Variants in PLXNA1 observed in about 807,000 individuals in gnomAD.
PLXNA1 encodes plexin-A1.
Under a neutral mutation model 191.7 loss-of-function variants are expected in PLXNA1, and 77 were observed. That is an observed-to-expected ratio of 0.40 (90% CI 0.33 to 0.49). The LOEUF (loss-of-function observed/expected upper bound fraction) is 0.49. PLXNA1 is among the 20% of genes least tolerant of loss of function. The pLI, the probability that PLXNA1 is intolerant of heterozygous loss-of-function variation, is 0.63. For missense variants in PLXNA1, 2,110 were observed against 2,660.2 expected (o/e 0.79, Z 4.55); for synonymous variants, 1,137 against 1,156.4 (o/e 0.98, Z 0.34).
In PLXNA1 at chr3:127,011,940, A is replaced by G. The variant is rs746199515; in HGVS notation, c.2113-18A>G. Reference sequence around the variant, plus strand: ...TGGTCTCCGCCCCCGGGCTCAGCCAAACTCTTCTTATCCCCAGGACTGCCC... The same window carrying G: ...TGGTCTCCGCCCCCGGGCTCAGCCAGACTCTTCTTATCCCCAGGACTGCCC... On this transcript the variant is annotated intron_variant, in intron 9 of 31. Coordinates refer to ENST00000393409, the MANE Select transcript of PLXNA1 (RefSeq NM_032242.4). The G allele has an allele frequency of 1.9e-6, 3 of 1,606,666 alleles. No homozygotes were observed. The highest frequency in any genetic ancestry group is 2.6e-6 in the Non-Finnish European group (3 of 1,174,174).
Position 127,022,078 on chromosome 3 carries a change from C to G in PLXNA1, c.4039-7C>G, listed in dbSNP as rs2079154289. The G allele has an allele frequency of 1.2e-6, 2 of 1,609,436 alleles. No individual in the cohort carries two copies. The highest frequency in any genetic ancestry group is 1.7e-6 in the Non-Finnish European group (2 of 1,177,380). Reference sequence around the variant, plus strand: ...CTCTGTGGTCTGAGCTCTGTGTGCTCCCTCAGGTGCAGGCCAATGTGGAGA... The same window carrying G: ...CTCTGTGGTCTGAGCTCTGTGTGCTGCCTCAGGTGCAGGCCAATGTGGAGA... On this transcript the variant is annotated splice_region_variant and splice_polypyrimidine_tract_variant and intron_variant, in intron 21 of 31. Coordinates refer to ENST00000393409, the MANE Select transcript of PLXNA1 (RefSeq NM_032242.4).
chr3:127,017,386 G>A (rs376241173), intron 17 of PLXNA1, 39 bp from the exon 18 acceptor site: 43 of 1,596,794 alleles, frequency 2.7e-5, no homozygotes, highest in African/African-American at 2.1e-4. Flanking sequence ...CGGGCCACTC[G>A]CGGAGGTCCC....
At chr3:127,027,582 G>A (rs368316269) in intron 23 of PLXNA1, 167 of 438,208 alleles carry the variant, frequency 3.8e-4, no homozygotes, top group African/African-American at 3.1e-3. Flanking sequence ...GCTGGAGCTA[G>A]GCGGGGATCC....
rs1324561871 is a variant in PLXNA1, at chr3:127,012,166, G to A, written c.2313+8G>A. ...CAGTGCCAGAATTCCTCGGTGAGGT[G>A]GCCAGGGCAGGGGCTGGGGGCCGTG... On this transcript the variant is annotated splice_region_variant and intron_variant, in intron 10 of 31. Coordinates refer to ENST00000393409, the MANE Select transcript of PLXNA1 (RefSeq NM_032242.4). 6.2e-7 allele frequency: 1 copy of A among 1,609,262 alleles called. No homozygotes were observed. Among genetic ancestry groups the A allele is most frequent in the African/African-American group, 1.3e-5 (1 of 74,956 alleles).
At position 127,019,575 on chromosome 3, in the gene PLXNA1, G is replaced by A. The variant is rs73196563; in HGVS notation, c.3896-627G>A. 7.2e-3 allele frequency among the ~76,000 whole-genome samples: 1,090 copies of A among 152,318 alleles called. 9 individuals are homozygous for A. The highest frequency in any genetic ancestry group is 0.012 in the Non-Finnish European group (798 of 68,020). On this transcript the variant is annotated intron_variant, in intron 20 of 31. Coordinates refer to ENST00000393409, the MANE Select transcript of PLXNA1 (RefSeq NM_032242.4). ...CGCCTGGCAGCGATGCCCAGGAGAC[G>A]AAGACTCCAGCTCTTAATTAAACCT...
Position 127,034,929 on chromosome 3 carries a change from A to C in PLXNA1, c.*912A>C, listed in dbSNP as rs1232099760. 1 of 152,320 alleles carries C rather than the reference A, an allele frequency of 6.6e-6. No homozygotes were observed. The highest frequency in any genetic ancestry group is 1.5e-5 in the Non-Finnish European group (1 of 68,122). The allele number at this position is 152,320 out of a possible 1,614,324, so 9.4% of individuals were successfully genotyped here. A position where few individuals can be genotyped will look rare whatever the true frequency, so the allele number is the denominator to read the frequency against. On this transcript the variant is annotated 3_prime_UTR_variant, in exon 32 of 32. Coordinates refer to ENST00000393409, the MANE Select transcript of PLXNA1 (RefSeq NM_032242.4). ...GAGCCCCTGAGGGCGGCCCCTGAGC[A>C]CTCCTCTCTCTCCACTCTCTCTGTC...
At chr3:127,007,960 A>G (rs9876778) in intron 9 of PLXNA1, 47 bp downstream of exon 9, 97,489 of 1,339,628 alleles carry the variant, frequency 0.073, 4,785 homozygotes, top group South Asian at 0.19. Flanking sequence ...GGTGGAGCAG[A>G]ACTGGGTTGA....
At chr3:127,009,520 C>T (rs1397268747) in intron 9 of PLXNA1, among the ~76,000 whole-genome samples, 3 of 151,910 alleles carry the variant, frequency 2.0e-5, no homozygotes, top group East Asian at 3.9e-4. Flanking sequence ...GTGAGTCCTC[C>T]GGGACTCAGG....
At chr3:127,009,406 G>C (rs570205757) in intron 9 of PLXNA1, among the ~76,000 whole-genome samples, 1 of 152,204 alleles carries the variant, frequency 6.6e-6, no homozygotes, top group South Asian at 2.1e-4. Context: ...GGGCACGTGT[G>C]GGGTCGCAGG....
intron 2 of PLXNA1, 40 bp downstream of exon 2, chr3:126,989,827 C>A: frequency 1.3e-6 from 2 of 1,519,520 alleles, no homozygotes; most frequent in Non-Finnish European, 1.8e-6. Flanking sequence ...GCGGCCCCAT[C>A]CCCTCCAGGG....
chr3:127,005,265 GTGCCCGC>G, intron 7 of PLXNA1, 22 bp downstream of exon 7: 1 of 1,590,500 alleles, frequency 6.3e-7, no homozygotes, highest in Non-Finnish European at 8.6e-7. Flanking sequence ...CAACACAATG[GTGCCCGC>G]TGCCTGGCCA....
chr3:127,013,208 A>G (rs2079103947), intron 10 of PLXNA1, among the ~76,000 whole-genome samples: 1 of 152,174 alleles, frequency 6.6e-6, no homozygotes, highest in Non-Finnish European at 1.5e-5. Context: ...TTTCTGTTCT[A>G]TCACCAACTC....
chr3:127,031,672 C>T (rs987205437), intron 29 of PLXNA1, among the ~76,000 whole-genome samples: 2 of 152,202 alleles, frequency 1.3e-5, no homozygotes, highest in South Asian at 2.1e-4. Flanking sequence ...CCACTGCTCG[C>T]GGAGTCTAGG....
chr3:127,017,018 G>A lies in PLXNA1; in HGVS notation c.3257G>A (p.Gly1086Glu), dbSNP rs1264273412. The A allele has an allele frequency of 6.2e-7, 1 of 1,613,368 alleles. No homozygotes were observed. The highest frequency in any genetic ancestry group is 1.1e-5 in the South Asian group (1 of 91,070). ...GAACCCCGAATCCGGGCCAAGTATG[G>A]AGGCATTGAGAGGGAGAACGTGAGT... ...VREPRIRAKY[G>E]GIERENGCLV... The change falls in exon 17 of 32, where the codon GGA becomes GAA. Residue 1086 changes from glycine to glutamate, a missense_variant. By Grantham distance (98) the Gly-to-Glu change is moderately conservative (BLOSUM62 -2). Coordinates refer to ENST00000393409, the MANE Select transcript of PLXNA1 (RefSeq NM_032242.4).
At chr3:127,011,707 G>A (rs2079096442) in intron 9 of PLXNA1, among the ~76,000 whole-genome samples, 1 of 152,204 alleles carries the variant, frequency 6.6e-6, no homozygotes, top group Non-Finnish European at 1.5e-5. Flanking sequence ...GGGCTCCTTT[G>A]GTCTCTGGAA....
chr3:126,994,535 C>T (rs1228147375), intron 3 of PLXNA1, among the ~76,000 whole-genome samples: 2 of 152,140 alleles, frequency 1.3e-5, no homozygotes, highest in Non-Finnish European at 2.9e-5. Flanking sequence ...TGTTCTGGGG[C>T]CTGGGTTCGA....
chr3:126,993,065 T>G (rs2078999129), intron 3 of PLXNA1, among the ~76,000 whole-genome samples: 1 of 152,306 alleles, frequency 6.6e-6, no homozygotes, highest in African/African-American at 2.4e-5. Flanking sequence ...CTGTTCCTGC[T>G]GCCCAGCACT....
chr3:127,011,564 C>T (rs2079095732), intron 9 of PLXNA1, among the ~76,000 whole-genome samples: 1 of 152,188 alleles, frequency 6.6e-6, no homozygotes, highest in African/African-American at 2.4e-5. Flanking sequence ...AATGCTGGCC[C>T]CAGAGGCCAG....
At chr3:127,020,119 A>T (rs1576686300) in intron 20 of PLXNA1, 83 bp from the exon 21 acceptor site, 7 of 1,526,542 alleles carry the variant, frequency 4.6e-6, no homozygotes, top group African/African-American at 1.4e-5. Flanking sequence ...CCAGGATTTG[A>T]TGTAGGCCCC....
Sources: allele counts gnomAD v4.1 joint callset (sites outside exome capture counted in the v4.1 genomes callset), GRCh38; gene constraint gnomAD v4.1.1; transcripts MANE v1.5; gene names NCBI Gene and HGNC (gene_info 2026-07-23, HGNC 2026-07-21).